The following LAMA2 variants were observed in gnomAD, a reference collection of about 807,000 sequenced individuals.
LAMA2 encodes laminin subunit alpha-2.
LAMA2 carries 269 observed loss-of-function variants against 364.8 expected under a neutral mutation model. The ratio of observed to expected loss-of-function variants is 0.74; its 90% CI spans 0.67 to 0.82. The LOEUF is 0.82. Among genes scored for constraint, LAMA2 ranks in the 40% least tolerant of loss-of-function variants. The probability of loss-of-function intolerance (pLI) is 0.00; values close to 1 mark genes in which losing one functional copy is unlikely to be tolerated. For missense variants in LAMA2, 3,807 were observed against 3,873.2 expected, an observed-to-expected ratio of 0.98 and a Z score of 0.45; for synonymous variants, 1,379 against 1,370.6, an observed-to-expected ratio of 1.01 and a Z score of -0.14.
At chr6:129,364,253 T>G (rs1007182056) in intron 32 of LAMA2, among the ~76,000 whole-genome samples, 1 of 152,198 alleles carries the variant, frequency 6.6e-6, no homozygotes, top group Non-Finnish European at 1.5e-5. Flanking sequence ...TTCTCTTTGT[T>G]TACAAGCACC....
intron 42 of LAMA2, 42 bp downstream of exon 42, chr6:129,438,804 A>G: frequency 1.0e-6 from 1 of 983,626 alleles, no homozygotes; most frequent in Non-Finnish European, 1.7e-6. Context: ...GTTGACCTGA[A>G]GTTTTGAAGA....
intron 29 of LAMA2, among the ~76,000 whole-genome samples, chr6:129,330,759 TC>T (rs2114539379): frequency 6.6e-6 from 1 of 152,244 alleles, no homozygotes; most frequent in African/African-American, 2.4e-5. Context: ...TCATGATCTT[TC>T]ATTGGTATTA....
At chr6:129,335,631 A>G (rs1775914857) in intron 29 of LAMA2, among the ~76,000 whole-genome samples, 1 of 152,196 alleles carries the variant, frequency 6.6e-6, no homozygotes, top group Non-Finnish European at 1.5e-5. Flanking sequence ...ACATTTAACC[A>G]ATTACCTCTA....
At chr6:128,909,346 T>A (rs13214058) in intron 1 of LAMA2, among the ~76,000 whole-genome samples, 20,765 of 150,960 alleles carry the variant, frequency 0.14, 1,967 homozygotes, top group African/African-American at 0.27. Flanking sequence ...TATATTTAGG[T>A]TAGTTAGCTC....
intron 55 of LAMA2, among the ~76,000 whole-genome samples, chr6:129,484,435 G>T (rs1383257632): frequency 1.3e-5 from 2 of 152,164 alleles, no homozygotes; most frequent in Non-Finnish European, 2.9e-5. Flanking sequence ...TACAGACCCA[G>T]ATTTTTGCAC....
intron 27 of LAMA2, among the ~76,000 whole-genome samples, chr6:129,316,408 A>G (rs996313472): frequency 6.6e-6 from 1 of 152,362 alleles, no homozygotes; most frequent in East Asian, 1.9e-4. Context: ...CACTGCAGAC[A>G]TAGTGAGTTT....
intron 4 of LAMA2, among the ~76,000 whole-genome samples, chr6:129,122,646 C>A (rs1377184348): frequency 6.6e-6 from 1 of 152,050 alleles, no homozygotes; most frequent in Non-Finnish European, 1.5e-5. Context: ...GTTTACTGAA[C>A]AGGGGTTGTG....
chr6:129,042,034 G>A (rs1319127803), intron 1 of LAMA2, among the ~76,000 whole-genome samples: 2 of 150,530 alleles, frequency 1.3e-5, no homozygotes, highest in African/African-American at 2.5e-5. Context: ...GCCAGGCGTG[G>A]TGACTCATGC....
At chr6:128,923,024 T>C (rs1472649915) in intron 1 of LAMA2, among the ~76,000 whole-genome samples, 1 of 151,056 alleles carries the variant, frequency 6.6e-6, no homozygotes, top group Admixed American at 6.6e-5. Flanking sequence ...GTTGTAGATA[T>C]GCGGCATTAT....
intron 8 of LAMA2, among the ~76,000 whole-genome samples, chr6:129,165,267 A>G (rs1779675220): frequency 6.6e-6 from 1 of 151,926 alleles, no homozygotes; most frequent in Admixed American, 6.6e-5. Context: ...TTGTTTAAGT[A>G]AACTAGCTTT....
rs190550179 is a variant in LAMA2 at position 129,516,107 on chromosome 6, G to A, written c.9212-83G>A. The A allele has an allele frequency of 1.0e-4, 150 of 1,441,742 alleles. No homozygotes were observed. The Admixed American group carries it at 2.5e-3, about 24-fold the overall frequency. The allele number at this position is 1,441,742 out of a possible 1,614,324, so 89.3% of individuals were successfully genotyped here. On this transcript the variant is annotated intron_variant, in intron 64 of 64. Coordinates refer to ENST00000421865, the MANE Select transcript of LAMA2 (RefSeq NM_000426.4). ...AAACAGCATTCCAATTTAATCTCAA[G>A]CTAACAGTTGACTTTGAAACATGCT...
intron 3 of LAMA2, among the ~76,000 whole-genome samples, chr6:129,078,964 A>G (rs552655580): frequency 6.6e-6 from 1 of 152,308 alleles, no homozygotes; most frequent in South Asian, 2.1e-4. Flanking sequence ...TGTAGCATAT[A>G]TCAGAGTTTC....
At chr6:129,283,258 G>T (rs1378379425) in intron 18 of LAMA2, among the ~76,000 whole-genome samples, 2 of 152,082 alleles carry the variant, frequency 1.3e-5, no homozygotes, top group Admixed American at 6.6e-5. Context: ...ATCTTGAAGG[G>T]CTAAAAGAGA....
chr6:129,052,634 C>A (rs1323745666), intron 2 of LAMA2, among the ~76,000 whole-genome samples: 2 of 152,152 alleles, frequency 1.3e-5, no homozygotes, highest in Non-Finnish European at 2.9e-5. Flanking sequence ...TTGACAACAG[C>A]ATCACCCAAA....
At chr6:129,076,328 G>A (rs1279353495) in intron 3 of LAMA2, among the ~76,000 whole-genome samples, 1 of 150,632 alleles carries the variant, frequency 6.6e-6, no homozygotes. Flanking sequence ...CTATGGCAAT[G>A]CAGATGCTGT....
intron 45 of LAMA2, among the ~76,000 whole-genome samples, chr6:129,447,264 A>G (rs2114777964): frequency 6.6e-6 from 1 of 152,342 alleles, no homozygotes; most frequent in East Asian, 1.9e-4. Context: ...AGAAGCCGTG[A>G]GAAGTGACAT....
At chr6:128,987,485 G>A (rs1783337033) in intron 1 of LAMA2, among the ~76,000 whole-genome samples, 1 of 152,110 alleles carries the variant, frequency 6.6e-6, no homozygotes, top group South Asian at 2.1e-4. Flanking sequence ...AAAGGTAAAA[G>A]TAGATAAATT....
chr6:129,223,322 G>A (rs1428754196), intron 12 of LAMA2, among the ~76,000 whole-genome samples: 3 of 152,046 alleles, frequency 2.0e-5, no homozygotes, highest in Non-Finnish European at 4.4e-5. Flanking sequence ...AGTTTCTTTT[G>A]CTGTGCAGAA....
chr6:129,024,040 G>A (rs1192133057), intron 1 of LAMA2, among the ~76,000 whole-genome samples: 1 of 152,156 alleles, frequency 6.6e-6, no homozygotes, highest in Non-Finnish European at 1.5e-5. Flanking sequence ...AGGGATGAGC[G>A]ATGGTCAGTG....
Sources: gnomAD v4.1 joint callset for allele counts (sites outside exome capture counted in the v4.1 genomes callset) on GRCh38, gnomAD v4.1.1 for gene constraint, MANE v1.5 for transcripts, NCBI Gene and HGNC (gene_info 2026-07-23, HGNC 2026-07-21) for gene names.